The following ITFG2 variants were observed in gnomAD, a reference collection of about 807,000 sequenced individuals.
The protein encoded by ITFG2 is integrin alpha FG-GAP repeat containing 2.
Under a neutral mutation model 54.4 loss-of-function variants are expected in ITFG2, and 36 were observed. That is an observed-to-expected ratio of 0.66 (90% CI 0.51 to 0.87). ITFG2 has a LOEUF of 0.87. Ranked by LOEUF, ITFG2 falls within the 40% of genes least tolerant of loss-of-function variation. The pLI is 0.00. For missense variants in ITFG2, 524 were observed against 576.7 expected (o/e 0.91, Z 0.94); for synonymous variants, 211 against 225.4 (o/e 0.94, Z 0.57).
chr12:2,848,866 G>GACACACGC (rs760263659), intron 2 of ITFG2, among the ~76,000 whole-genome samples: 1 of 115,768 alleles, frequency 8.6e-6, no homozygotes, highest in African/African-American at 3.4e-5. Context: ...CACCCCAACA[G>GACACACGC]ACACACACAC....
intron 4 of ITFG2, 99 bp from the exon 5 acceptor site, chr12:2,819,987 C>T (rs189409387): frequency 1.9e-5 from 28 of 1,444,246 alleles, no homozygotes; most frequent in Middle Eastern, 1.9e-4. Flanking sequence ...CACCGCAGAT[C>T]GGGTGTGAAG....
chr12:2,846,336 A>G (rs901802478), intron 2 of ITFG2, among the ~76,000 whole-genome samples: 1 of 152,082 alleles, frequency 6.6e-6, no homozygotes, highest in African/African-American at 2.4e-5. Context: ...TGTTTTCAAG[A>G]ATCCCAATGG....
exon 2 of ITFG2, chr12:2,840,905 T>C (rs1273408405): frequency 6.6e-6 from 1 of 152,630 alleles, no homozygotes; most frequent in Non-Finnish European, 1.5e-5. Flanking sequence ...AGAGTGGCTC[T>C]TTTAGAAGCG....
intron 3 of ITFG2, chr12:2,858,955 G>C (rs374220211): frequency 6.2e-7 from 1 of 1,613,480 alleles, no homozygotes; most frequent in East Asian, 2.2e-5. Context: ...GTGGTGCTGA[G>C]ATCCATCAGC....
At chr12:2,827,052 G>C, downstream of ITFG2, 4 of 1,471,930 alleles carry the variant, frequency 2.7e-6, no homozygotes, top group Non-Finnish European at 2.7e-6. The surrounding 1 kb of genome is among the most constrained non-coding windows in gnomAD (Gnocchi z 4.0). Flanking sequence ...GAGGAATGCG[G>C]CCAGCTGGGG....
chr12:2,840,197 C>G (rs905493163), intron 1 of ITFG2, among the ~76,000 whole-genome samples: 1 of 152,030 alleles, frequency 6.6e-6, no homozygotes, highest in Non-Finnish European at 1.5e-5. Context: ...GCCTATAATT[C>G]CAGCACTTTG....
upstream of ITFG2, among the ~76,000 whole-genome samples, chr12:2,835,697 A>C (rs2098025670): frequency 6.6e-6 from 1 of 152,228 alleles, no homozygotes; most frequent in African/African-American, 2.4e-5. Flanking sequence ...AGTTATAAAG[A>C]ATAAGATAAC....
intron 2 of ITFG2, among the ~76,000 whole-genome samples, chr12:2,842,952 TC>T (rs1489768719): frequency 6.6e-6 from 1 of 152,070 alleles, no homozygotes; most frequent in African/African-American, 2.4e-5. Context: ...TATCCCACCT[TC>T]CTTGTCATAG....
At chr12:2,833,479 G>C (rs1160749829), upstream of ITFG2, among the ~76,000 whole-genome samples, 3 of 152,128 alleles carry the variant, frequency 2.0e-5, no homozygotes, top group East Asian at 5.8e-4. Flanking sequence ...AGTCTGGAAA[G>C]GTGGAGCTAA....
intron 1 of ITFG2, among the ~76,000 whole-genome samples, chr12:2,840,343 C>T (rs2098038082): frequency 6.6e-6 from 1 of 151,550 alleles, no homozygotes; most frequent in Admixed American, 6.6e-5. Flanking sequence ...GTCCCAGCTA[C>T]TCGGGAGATT....
rs769703735 is a variant in ITFG2, at chr12:2,845,367, A to G, written n.300+4372A>G. On this transcript the variant is annotated intron_variant and non_coding_transcript_variant, in intron 2 of 3. Coordinates refer to the ITFG2 transcript ENST00000537710. The surrounding 1 kb of genome is among the most constrained non-coding windows in gnomAD (Gnocchi z 4.2). ...CAACCCTGGCAGGGCATGACTGGCAACGTGGGTGGCCCTGTATGGTCCCCC... is the reference window on the plus strand; with the variant it reads ...CAACCCTGGCAGGGCATGACTGGCAGCGTGGGTGGCCCTGTATGGTCCCCC... 2.0e-5 allele frequency among the ~76,000 whole-genome samples: 3 copies of G among 152,146 alleles called. No individual in the cohort carries two copies. Among genetic ancestry groups the G allele is most frequent in the Non-Finnish European group, 4.4e-5 (3 of 68,028 alleles).
At chr12:2,837,057 C>G (rs1411918806) in intron 1 of ITFG2, 2 of 152,240 alleles carry the variant, frequency 1.3e-5, no homozygotes, top group Non-Finnish European at 2.9e-5. Context: ...TAGGACCCAG[C>G]ACAGTGGTTC....
chr12:2,818,053 G>A, intron 3 of ITFG2, 53 bp from the exon 4 acceptor site: 1 of 1,608,858 alleles, frequency 6.2e-7, no homozygotes, highest in Non-Finnish European at 8.5e-7. Context: ...GATCAGGCTT[G>A]TTTCCAAAAC....
chr12:2,859,292 T>C (rs2215292), intron 3 of ITFG2: 1,589,697 of 1,613,406 alleles, frequency 0.99, 783,271 homozygotes, highest in East Asian at 1. Flanking sequence ...GATGCTGTTT[T>C]CTCCGAGACC....
At chr12:2,833,335 G>A (rs1478106514), upstream of ITFG2, among the ~76,000 whole-genome samples, 1 of 152,148 alleles carries the variant, frequency 6.6e-6, no homozygotes, top group East Asian at 1.9e-4. Flanking sequence ...TATGCTTGCT[G>A]CCACTGCAAG....
intron 1 of ITFG2, among the ~76,000 whole-genome samples, chr12:2,815,042 C>T (rs1356487851): frequency 2.6e-5 from 4 of 151,542 alleles, no homozygotes; most frequent in Non-Finnish European, 5.9e-5. Context: ...GACACAATCT[C>T]GGCTCACTGC....
At chr12:2,836,914 A>C (rs1164566497) in exon 1 of ITFG2, 1 of 152,126 alleles carries the variant, frequency 6.6e-6, no homozygotes, top group African/African-American at 2.4e-5. Context: ...GAAGGAACCA[A>C]CCCTGCCAAC....
At chr12:2,834,614 C>T (rs373279653), upstream of ITFG2, 22 of 1,543,748 alleles carry the variant, frequency 1.4e-5, no homozygotes, top group African/African-American at 9.6e-5. Flanking sequence ...GGCCAGGGGA[C>T]GCTGGCAGGG....
chr12:2,822,292 G>A (rs1399599744), intron 9 of ITFG2, among the ~76,000 whole-genome samples: 1 of 152,164 alleles, frequency 6.6e-6, no homozygotes, highest in Non-Finnish European at 1.5e-5. Context: ...CATAATTAAT[G>A]CTATACTGTG....
Sources: allele counts gnomAD v4.1 joint callset (sites outside exome capture counted in the v4.1 genomes callset), GRCh38; gene constraint gnomAD v4.1.1; non-coding constraint Gnocchi (gnomAD v3.1); transcripts MANE v1.5; gene names NCBI Gene and HGNC (gene_info 2026-07-23, HGNC 2026-07-21).